TBATA: variants seen among roughly 807,000 people sequenced by gnomAD.
The protein encoded by TBATA is protein TBATA.
TBATA carries 47 observed loss-of-function variants against 38.7 expected under a neutral mutation model. That is an observed-to-expected ratio of 1.21 (90% CI 0.96 to 1.55). The LOEUF (loss-of-function observed/expected upper bound fraction) is 1.55, where lower values mean the gene tolerates loss of function less well. Ranked by LOEUF, TBATA falls within the 40% of genes most tolerant of loss-of-function variation. The pLI, the probability that TBATA is intolerant of heterozygous loss-of-function variation, is 0.00. For missense variants in TBATA, 436 were observed against 435.6 expected (o/e 1.00, Z -0.01); for synonymous variants, 183 against 170.5 (o/e 1.07, Z -0.57).
At chr10:70,776,455 C>T (rs1402322010) in intron 7 of TBATA, 1 of 454,564 alleles carries the variant, frequency 2.2e-6, no homozygotes, top group African/African-American at 2.0e-5. Flanking sequence ...CATGGACTAT[C>T]ACTTGGCAGG....
At chr10:70,775,820 G>T (rs893295461) in intron 7 of TBATA, among the ~76,000 whole-genome samples, 1 of 152,220 alleles carries the variant, frequency 6.6e-6, no homozygotes, top group Non-Finnish European at 1.5e-5. Context: ...CTGAGGCGGG[G>T]CAGCACAGGC....
chr10:70,779,121 C>T (rs1462900874), intron 5 of TBATA, among the ~76,000 whole-genome samples: 1 of 152,222 alleles, frequency 6.6e-6, no homozygotes, highest in Non-Finnish European at 1.5e-5. Flanking sequence ...AGCCCCTTCT[C>T]CAGGATCTCT....
At chr10:70,783,260 C>A in intron 3 of TBATA, 79 bp downstream of exon 3, 1 of 1,541,216 alleles carries the variant, frequency 6.5e-7, no homozygotes, top group Non-Finnish European at 9.0e-7. Context: ...TGTTGAGATC[C>A]CCCAAGGCCA....
In TBATA at chr10:70,771,840, C is replaced by T. The variant is rs563084851; in HGVS notation, c.974-379G>A. ...GTCTAAGGCACCAGGATGACTGCAG[C>T]AGCCTCTCCTTGGTCTCCCTCACCC... On this transcript the variant is annotated intron_variant, in intron 10 of 10. Coordinates refer to ENST00000456372, the MANE Select transcript of TBATA (RefSeq NM_001318241.2). 2.0e-5 allele frequency among the ~76,000 whole-genome samples: 3 copies of T among 152,296 alleles called. No homozygotes were observed. The South Asian group carries it at 6.2e-4, about 32-fold the overall frequency.
intron 9 of TBATA, among the ~76,000 whole-genome samples, chr10:70,773,469 C>CCCT (rs954221112): frequency 6.6e-6 from 1 of 151,618 alleles, no homozygotes; most frequent in Admixed American, 6.6e-5. Context: ...ATACAGGCCC[C>CCCT]CCCGGCTTCA....
In TBATA at chr10:70,771,263, T is replaced by C. The variant is rs1471368955; in HGVS notation, c.*113A>G. ...TCTCAGGGAAGACGGTTTTATTTAG[T>C]AAGAGTTTTCACGGTAGGGAATCAG... On this transcript the variant is annotated 3_prime_UTR_variant, in exon 11 of 11. Coordinates refer to ENST00000456372, the MANE Select transcript of TBATA (RefSeq NM_001318241.2). 3 of 1,604,646 alleles carry C rather than the reference T, an allele frequency of 1.9e-6. No individual in the cohort carries two copies. The highest frequency in any genetic ancestry group is 2.7e-5 in the African/African-American group (2 of 74,682).
At chr10:70,774,696 C>G in intron 8 of TBATA, among the ~76,000 whole-genome samples, 1 of 152,174 alleles carries the variant, frequency 6.6e-6, no homozygotes, top group Non-Finnish European at 1.5e-5. Flanking sequence ...TCCAGGAAGT[C>G]TTCTCCAATT....
chr10:70,773,469 C>CCG (rs1554826523), intron 9 of TBATA, among the ~76,000 whole-genome samples: 5 of 151,618 alleles, frequency 3.3e-5, no homozygotes, highest in African/African-American at 1.2e-4. Flanking sequence ...ATACAGGCCC[C>CCG]CCCGGCTTCA....
chr10:70,784,253 T>A (rs1299907435), intron 2 of TBATA, among the ~76,000 whole-genome samples: 1 of 152,176 alleles, frequency 6.6e-6, no homozygotes, highest in African/African-American at 2.4e-5. Context: ...AGGGGAAGTG[T>A]GCAGGAGAAG....
In TBATA at chr10:70,778,631, A is replaced by G. The variant is rs1350538761; in HGVS notation, c.433T>C (p.Trp145Arg). The change falls in exon 6 of 11, where the codon TGG becomes CGG. Residue 145 changes from tryptophan to arginine, a missense_variant. By Grantham distance (101) the Trp-to-Arg change is moderately radical. Transcript: ENST00000456372. The stretch of plus-strand genomic sequence containing the variant: ...GCTAGCTCCTTCAACTCCTTCTTCC[A>G]GGCTTCTGGGAGGAGGGGACAAGGT... ...NRNPQLSSEAWKKELKELASR... is the reference protein window; with the variant it reads ...NRNPQLSSEARKKELKELASR... 30 of 1,614,108 alleles carry G rather than the reference A, an allele frequency of 1.9e-5. No individual in the cohort carries two copies. Among genetic ancestry groups the G allele is most frequent in the Non-Finnish European group, 2.5e-5 (30 of 1,180,012 alleles).
chr10:70,780,578 G>A lies in TBATA; in HGVS notation c.278-836C>T, dbSNP rs1002655983. 4.1e-4 allele frequency among the ~76,000 whole-genome samples: 62 copies of A among 152,028 alleles called. 1 individual carries two copies. Among genetic ancestry groups the A allele is most frequent in the African/African-American group, 1.3e-3 (53 of 41,452 alleles). ...CCCACCACTTGAAACACCCCCTCTC[G>A]AATGGCTCTCACGTCTGTGTCTCTG... On this transcript the variant is annotated intron_variant, in intron 4 of 10. Coordinates refer to ENST00000456372, the MANE Select transcript of TBATA (RefSeq NM_001318241.2).
intron 10 of TBATA, chr10:70,772,074 G>T: frequency 2.7e-6 from 1 of 373,598 alleles, no homozygotes; most frequent in Non-Finnish European, 5.4e-6. Flanking sequence ...CACACCAAGA[G>T]GTGGGAGCTT....
At chr10:70,781,424 A>T (rs866432227) in intron 4 of TBATA, among the ~76,000 whole-genome samples, 2 of 152,316 alleles carry the variant, frequency 1.3e-5, no homozygotes, top group African/African-American at 4.8e-5. Context: ...AGGCCTAAAA[A>T]AGTGCCTAGC....
chr10:70,777,485 G>A (rs2132886432), intron 6 of TBATA, 147 bp from the exon 7 acceptor site: 1 of 742,818 alleles, frequency 1.3e-6, no homozygotes, highest in Admixed American at 2.7e-5. Flanking sequence ...AGGGTCCCAG[G>A]GTATCATCCA....
chr10:70,782,172 C>A, intron 3 of TBATA, 136 bp from the exon 4 acceptor site: 1 of 1,233,870 alleles, frequency 8.1e-7, no homozygotes, highest in African/African-American at 1.5e-5. Context: ...TTCACCACCA[C>A]CCCCATAGCA....
At chr10:70,778,406 C>T in intron 6 of TBATA, 151 bp downstream of exon 6, 2 of 805,168 alleles carry the variant, frequency 2.5e-6, no homozygotes, top group Non-Finnish European at 4.3e-6. Context: ...GGTGTGCTCT[C>T]TCCCTCACTG....
chr10:70,772,671 A>G, intron 9 of TBATA, 105 bp from the exon 10 acceptor site: 1 of 1,189,098 alleles, frequency 8.4e-7, no homozygotes, highest in Non-Finnish European at 1.3e-6. Flanking sequence ...AGGTGCAGTC[A>G]GCTGTCTGCT....
intron 7 of TBATA, among the ~76,000 whole-genome samples, chr10:70,775,913 A>T (rs1486240649): frequency 6.6e-6 from 1 of 152,172 alleles, no homozygotes; most frequent in East Asian, 1.9e-4. Context: ...TCAGTCTTTG[A>T]CATCTTTGCT....
chr10:70,782,465 C>T, intron 3 of TBATA: 1 of 1,291,542 alleles, frequency 7.7e-7, no homozygotes, highest in Non-Finnish European at 1.0e-6. Flanking sequence ...AGCCCAGAGG[C>T]CAGCTATAGG....
Sources: allele counts gnomAD v4.1 joint callset (sites outside exome capture counted in the v4.1 genomes callset), GRCh38; gene constraint gnomAD v4.1.1; transcripts MANE v1.5; gene names NCBI Gene and HGNC (gene_info 2026-07-23, HGNC 2026-07-21).